The following UNC13B variants were observed in gnomAD, a reference collection of about 807,000 sequenced individuals.
UNC13B encodes protein unc-13 homolog B.
In UNC13B, 144 loss-of-function variants were observed where a neutral mutation model predicts 211.0. The observed-to-expected ratio is 0.68, with a 90% CI of 0.60 to 0.78. The LOEUF is 0.78. Among genes scored for constraint, UNC13B ranks in the 30% least tolerant of loss-of-function variants. The pLI, the probability that UNC13B is intolerant of heterozygous loss-of-function variation, is 0.00. For synonymous variants in UNC13B, 709 were observed against 725.8 expected (o/e 0.98, Z 0.37); for missense variants, 1,777 against 2,002.0 (o/e 0.89, Z 2.14).
chr9:35,364,555 A>C lies in UNC13B; in HGVS notation c.9415-2392A>C, dbSNP rs1430371002. 5 of 1,536,032 alleles carry C rather than the reference A, an allele frequency of 3.3e-6. No individual in the cohort carries two copies. In the East Asian group the frequency reaches 9.8e-5, roughly 30 times the overall value. On this transcript the variant is annotated intron_variant, in intron 11 of 39. Transcript: ENST00000635942. ...TTTCTCTCCTTGCAGAAGAAAAGCG[A>C]GGAGCCCTTCAGGTTGTGCCTATGA...
At chr9:35,227,561 T>C (rs1459386168) in intron 1 of UNC13B, among the ~76,000 whole-genome samples, 1 of 152,240 alleles carries the variant, frequency 6.6e-6, no homozygotes, top group Non-Finnish European at 1.5e-5. Context: ...CTCCTCTTAC[T>C]ATCTGCTTAT....
intron 6 of UNC13B, among the ~76,000 whole-genome samples, chr9:35,244,300 A>C (rs1417018137): frequency 1.3e-5 from 2 of 152,192 alleles, no homozygotes; most frequent in Non-Finnish European, 2.9e-5. Context: ...TGAATTATGA[A>C]ATAGAGCTAT....
chr9:35,218,798 G>A (rs1295201706), intron 1 of UNC13B, among the ~76,000 whole-genome samples: 1 of 151,228 alleles, frequency 6.6e-6, no homozygotes, highest in Non-Finnish European at 1.5e-5. Context: ...TGCCCAGGCT[G>A]GAGTGCAATG....
chr9:35,398,273 C>T lies in UNC13B; in HGVS notation c.11817C>T (p.Ala3939=). The change falls in exon 31 of 40, where the codon GCC becomes GCT. Residue 3939 remains alanine, a synonymous_variant. Coordinates refer to ENST00000635942, the MANE Select transcript of UNC13B (RefSeq NM_001371189.2). ...TCCAGCTGGAGAAAATGTTTGAGGC[C>T]ATGGGAGGCAAGGAGGTAGGTCTTA... ...LRVQLEKMFE[A]MGGKELDLEA... 6.2e-7 allele frequency: 1 copy of T among 1,613,936 alleles called. No homozygotes were observed. The highest frequency in any genetic ancestry group is 8.5e-7 in the Non-Finnish European group (1 of 1,179,902).
chr9:35,333,700 A>G (rs1831493118), intron 11 of UNC13B, among the ~76,000 whole-genome samples: 1 of 152,106 alleles, frequency 6.6e-6, no homozygotes, highest in African/African-American at 2.4e-5. Flanking sequence ...TCACATCCAA[A>G]CCAGTGTTTC....
Position 35,237,714 on chromosome 9 carries a change from G to A in UNC13B, c.282G>A (p.Gly94=). ...TCTTTGTTTCCTAGGAAGGGCCTGG[G>A]GAATGGTCCACATTAGAGGCAGAGA... ...TIRQSDEEGP[G]EWSTLEAETL... is the part of the protein sequence containing the mutation. Residue 94 remains glycine (G), a synonymous_variant, in exon 5 of 40, where the codon GGG becomes GGA. Transcript: ENST00000635942. 1 of 1,613,304 alleles carries A rather than the reference G, an allele frequency of 6.2e-7. No individual in the cohort carries two copies. Among genetic ancestry groups the A allele is most frequent in the Non-Finnish European group, 8.5e-7 (1 of 1,179,808 alleles).
intron 7 of UNC13B, among the ~76,000 whole-genome samples, chr9:35,290,584 G>T (rs1342808967): frequency 2.4e-4 from 36 of 151,598 alleles, no homozygotes; most frequent in Non-Finnish European, 8.8e-5. Flanking sequence ...TCCCAGACAA[G>T]GGAATTACTC....
intron 6 of UNC13B, among the ~76,000 whole-genome samples, chr9:35,257,639 A>G (rs1051528606): frequency 2.8e-4 from 41 of 147,428 alleles, no homozygotes; most frequent in African/African-American, 9.2e-4. Flanking sequence ...GTGATTGGCA[A>G]TTTTGCTAGT....
chr9:35,225,970 G>A (rs1468785440), intron 1 of UNC13B, among the ~76,000 whole-genome samples: 1 of 152,104 alleles, frequency 6.6e-6, no homozygotes, highest in African/African-American at 2.4e-5. Flanking sequence ...AGTGGTGGGA[G>A]CAGGCTTGAT....
intron 1 of UNC13B, among the ~76,000 whole-genome samples, chr9:35,215,973 A>G (rs576893362): frequency 6.6e-6 from 1 of 152,212 alleles, no homozygotes; most frequent in Admixed American, 6.5e-5. Flanking sequence ...GCCTAAATAA[A>G]GGACCAAAAG....
In UNC13B at chr9:35,231,101, A is replaced by G. The variant is rs1825175958; in HGVS notation, c.53-19A>G. The G allele has an allele frequency of 5.2e-6, 8 of 1,534,292 alleles. No individual in the cohort carries two copies. The highest frequency in any genetic ancestry group is 7.2e-6 in the Non-Finnish European group (8 of 1,108,474). ...TCTGAGCACTAAGTATTATGTCTCC[A>G]TTTTGTATTTTTTCAAAGATAAATT... On this transcript the variant is annotated intron_variant, in intron 2 of 39. Coordinates refer to ENST00000635942, the MANE Select transcript of UNC13B (RefSeq NM_001371189.2).
intron 3 of UNC13B, 35 bp from the exon 4 acceptor site, chr9:35,236,434 T>C: frequency 6.5e-7 from 1 of 1,548,100 alleles, no homozygotes. Context: ...TCATATTGTC[T>C]AGCTTTCCTC....
At chr9:35,292,096 T>A (rs1829129647) in intron 7 of UNC13B, among the ~76,000 whole-genome samples, 1 of 152,180 alleles carries the variant, frequency 6.6e-6, no homozygotes, top group South Asian at 2.1e-4. Context: ...AAAAAGCAAC[T>A]AAGCCATGAA....
At chr9:35,265,140 G>A (rs547575643) in intron 7 of UNC13B, among the ~76,000 whole-genome samples, 41 of 152,252 alleles carry the variant, frequency 2.7e-4, no homozygotes, top group African/African-American at 8.9e-4. Flanking sequence ...AATTATGGGG[G>A]GCTGGGGCAG....
At chr9:35,281,696 C>G (rs1292532961) in intron 7 of UNC13B, among the ~76,000 whole-genome samples, 2 of 152,058 alleles carry the variant, frequency 1.3e-5, no homozygotes, top group Non-Finnish European at 2.9e-5. Context: ...ACATATCCAC[C>G]CTTATAGTAT....
chr9:35,292,012 G>T (rs1021822647), intron 7 of UNC13B, among the ~76,000 whole-genome samples: 5 of 152,192 alleles, frequency 3.3e-5, no homozygotes, highest in Non-Finnish European at 7.3e-5. Flanking sequence ...AGCAGTAGGT[G>T]ACCTCAAGCA....
intron 1 of UNC13B, among the ~76,000 whole-genome samples, chr9:35,200,034 G>A (rs1327667944): frequency 2.0e-5 from 3 of 152,292 alleles, no homozygotes; most frequent in Admixed American, 1.3e-4. Context: ...GTAAGGAAGG[G>A]ATCCAGTTTC....
chr9:35,384,492 G>A lies in UNC13B; in HGVS notation c.10875+178G>A. 4.1e-6 allele frequency: 4 copies of A among 985,342 alleles called. No homozygotes were observed. The South Asian group carries it at 1.4e-4, about 35-fold the overall frequency. The allele number at this position is 985,342 out of a possible 1,614,324, so 61.0% of individuals were successfully genotyped here. A position where few individuals can be genotyped will look rare whatever the true frequency, so the allele number is the denominator to read the frequency against. The stretch of plus-strand genomic sequence containing the variant: ...GTTCTTTTAACTCCAGGGACCATGT[G>A]GTGTATAAATAGCAGCAGGTATGGT... On this transcript the variant is annotated intron_variant, in intron 22 of 39. Transcript: ENST00000635942.
chr9:35,399,183 T>A lies in UNC13B; in HGVS notation c.12097T>A (p.Cys4033Ser). The change falls in exon 34 of 40, where the codon TGT becomes AGT. Residue 4033 changes from cysteine (C) to serine (S), a missense_variant. Cys to Ser is a moderately radical substitution (Grantham distance 112, BLOSUM62 -1). Transcript: ENST00000635942. Reference protein sequence around the residue: ...DGNLTLFATVCEKTVLKRVLK... With the variant: ...DGNLTLFATVSEKTVLKRVLK... Reference sequence around the variant, plus strand: ...CAGCCTCACCCTCTTTGCCACTGTGTGTGAGAAGACGGTTCTGAAGCGTGT... The same window carrying A: ...CAGCCTCACCCTCTTTGCCACTGTGAGTGAGAAGACGGTTCTGAAGCGTGT... The A allele has an allele frequency of 6.2e-7, 1 of 1,614,156 alleles. No homozygotes were observed. Among genetic ancestry groups the A allele is most frequent in the Non-Finnish European group, 8.5e-7 (1 of 1,180,022 alleles).
Sources: gnomAD v4.1 joint callset for allele counts (sites outside exome capture counted in the v4.1 genomes callset) on GRCh38, gnomAD v4.1.1 for gene constraint, MANE v1.5 for transcripts, NCBI Gene and HGNC (gene_info 2026-07-23, HGNC 2026-07-21) for gene names.